MEX3C: variants seen among roughly 807,000 people sequenced by gnomAD.
The protein encoded by MEX3C is RNA-binding E3 ubiquitin-protein ligase MEX3C.
A neutral mutation model predicts 35.5 loss-of-function variants in MEX3C; 15 were observed. The observed-to-expected ratio is 0.42, with a 90% CI of 0.28 to 0.65. The LOEUF (loss-of-function observed/expected upper bound fraction) is 0.65, where lower values mean the gene tolerates loss of function less well. Ranked by LOEUF, MEX3C falls within the 30% of genes least tolerant of loss-of-function variation. The pLI, the probability that MEX3C is intolerant of heterozygous loss-of-function variation, is 0.20. For missense variants in MEX3C, 711 were observed against 842.8 expected, an observed-to-expected ratio of 0.84 and a Z score of 1.94; for synonymous variants, 390 against 352.8, an observed-to-expected ratio of 1.11 and a Z score of -1.18.
intron 1 of MEX3C, among the ~76,000 whole-genome samples, chr18:51,179,371 C>T (rs753153678): frequency 2.8e-4 from 42 of 152,128 alleles, no homozygotes; most frequent in Non-Finnish European, 4.7e-4. Context: ...GTTTGCCCTT[C>T]CAAAGCATTC....
chr18:51,181,373 A>G (rs559609900), intron 1 of MEX3C, among the ~76,000 whole-genome samples: 72 of 152,278 alleles, frequency 4.7e-4, no homozygotes, highest in Non-Finnish European at 8.5e-4. Context: ...AAAACCCAAT[A>G]AAAGGGTGAA....
intron 1 of MEX3C, among the ~76,000 whole-genome samples, chr18:51,187,708 C>CA (rs1411867577): frequency 1.0e-4 from 15 of 150,564 alleles, no homozygotes; most frequent in South Asian, 4.2e-4. Context: ...AACTCCGTCT[C>CA]AAAAAAAACA....
chr18:51,175,053 G>A lies in MEX3C; in HGVS notation c.*1298C>T, dbSNP rs1195440585. ...TACTGAAAAAATCAAAATAAAAACC[G>A]TTATTTGTAAACTTTTATACGAAAT... On this transcript the variant is annotated 3_prime_UTR_variant, in exon 2 of 2. Coordinates refer to ENST00000406189, the MANE Select transcript of MEX3C (RefSeq NM_016626.5). 1 of 152,414 alleles carries A rather than the reference G, an allele frequency of 6.6e-6. No homozygotes were observed. The highest frequency in any genetic ancestry group is 1.9e-4 in the East Asian group (1 of 5,200). 9.4% of individuals were successfully genotyped at this position (152,414 alleles called of 1,614,324 possible). A position where few individuals can be genotyped will look rare whatever the true frequency, so the allele number is the denominator to read the frequency against.
Position 51,188,877 on chromosome 18 carries a change from T to C in MEX3C, c.754+7690A>G, listed in dbSNP as rs576987826. Among the ~76,000 whole-genome samples the C allele has an allele frequency of 5.3e-5, 8 of 152,352 alleles. 1 individual carries two copies. The South Asian group carries it at 1.7e-3, about 32-fold the overall frequency. ...TTAGTGATACATGTTCATGTACACA[T>C]AGTGACCTATTTTCTTTTCTTATAC... On this transcript the variant is annotated intron_variant, in intron 1 of 1. Transcript: ENST00000406189.
At chr18:51,181,092 TTTGAG>T (rs1293423019) in intron 1 of MEX3C, among the ~76,000 whole-genome samples, 1 of 152,212 alleles carries the variant, frequency 6.6e-6, no homozygotes, top group Non-Finnish European at 1.5e-5. Flanking sequence ...TTTTGAGTAC[TTTGAG>T]TTTTTATTTG....
chr18:51,179,039 T>C (rs560988454), intron 1 of MEX3C, among the ~76,000 whole-genome samples: 82 of 151,406 alleles, frequency 5.4e-4, no homozygotes, highest in African/African-American at 1.9e-3. Flanking sequence ...AGTCTCGCTC[T>C]GTCACCCAGG....
intron 1 of MEX3C, among the ~76,000 whole-genome samples, chr18:51,178,869 A>AAAC: frequency 6.6e-6 from 1 of 151,820 alleles, no homozygotes; most frequent in African/African-American, 2.4e-5. Flanking sequence ...TCAAAAAAAA[A>AAAC]AAAACCAAAC....
Position 51,197,423 on chromosome 18 carries a change from A to C in MEX3C, c.-103T>G. 6.6e-6 allele frequency: 1 copy of C among 151,978 alleles called. No individual in the cohort carries two copies. Among genetic ancestry groups the C allele is most frequent in the Non-Finnish European group, 1.4e-5 (1 of 70,158 alleles). The allele number at this position is 151,978 out of a possible 1,614,324, so 9.4% of individuals were successfully genotyped here. On this transcript the variant is annotated 5_prime_UTR_variant, in exon 1 of 2. Coordinates refer to ENST00000406189, the MANE Select transcript of MEX3C (RefSeq NM_016626.5). ...CCAGGGCCCTGCTCAGCTCGCAAAC[A>C]CCTTTCCTCTGGGGAGGCGGCGGGG...
intron 1 of MEX3C, chr18:51,194,628 AAT>A (rs1912733057): frequency 6.6e-6 from 1 of 152,300 alleles, no homozygotes; most frequent in East Asian, 1.9e-4. Flanking sequence ...AAATCTATAA[AAT>A]ATGTTATCTT....
Position 51,176,192 on chromosome 18 carries a change from A to G in MEX3C, c.*159T>C. 1.4e-6 allele frequency: 1 copy of G among 699,624 alleles called. No individual in the cohort carries two copies. Among genetic ancestry groups the G allele is most frequent in the East Asian group, 2.8e-5 (1 of 35,686 alleles). The allele number at this position is 699,624 out of a possible 1,614,324, so 43.3% of individuals were successfully genotyped here. On this transcript the variant is annotated 3_prime_UTR_variant, in exon 2 of 2. Transcript: ENST00000406189. ...GAGACCACTTAGGTTTAGTGTTACC[A>G]TAGCAGCCTTTTATAAGTTTACTAA...
rs191986651 is a variant in MEX3C at position 51,195,982 on chromosome 18, G to C, written c.754+585C>G. 1.4e-3 allele frequency: 217 copies of C among 153,856 alleles called. 2 individuals carry two copies. The highest frequency in any genetic ancestry group is 0.013 in the Admixed American group (195 of 15,542). 9.5% of individuals were successfully genotyped at this position (153,856 alleles called of 1,614,324 possible). ...AACGTACCGAGAGAAATACAGTTAAGATAGGCGGCAGTGAGTTGGGCTGCT... is the reference window on the plus strand; with the variant it reads ...AACGTACCGAGAGAAATACAGTTAACATAGGCGGCAGTGAGTTGGGCTGCT... On this transcript the variant is annotated intron_variant, in intron 1 of 1. Transcript: ENST00000406189.
intron 1 of MEX3C, 104 bp downstream of exon 1, chr18:51,196,463 G>C (rs978234034): frequency 7.5e-6 from 11 of 1,475,174 alleles, no homozygotes; most frequent in Non-Finnish European, 9.8e-6. Flanking sequence ...GGTGGACTTG[G>C]GGGCCTCGCC....
chr18:51,197,273 G>A lies in MEX3C; in HGVS notation c.48C>T (p.Ala16=), dbSNP rs1186320877. ...SAALALAAAP[A]PLPQPPPPPP... Reference sequence around the variant, plus strand: ...GCGGCGGGGGCGGCTGCGGCAGGGGGGCCGGGGCCGCCGCCAGGGCCAGGG... The same window carrying A: ...GCGGCGGGGGCGGCTGCGGCAGGGGAGCCGGGGCCGCCGCCAGGGCCAGGG... Residue 16 remains alanine, a synonymous_variant, in exon 1 of 2, where the codon GCC becomes GCT. Transcript: ENST00000406189. The A allele has an allele frequency of 5.0e-5, 42 of 845,346 alleles. No homozygotes were observed. Among genetic ancestry groups the A allele is most frequent in the Non-Finnish European group, 5.8e-5 (41 of 704,832 alleles). The allele number at this position is 845,346 out of a possible 1,614,324, so 52.4% of individuals were successfully genotyped here.
At position 51,197,640 on chromosome 18, in the gene MEX3C, G is replaced by A. The variant is rs1430134883; in HGVS notation, c.-320C>T. ...TTCATGGCCTTAACCAGCCCCCGGC[G>A]CGCGCGGCGGCGGCGGCTACGCCCC... On this transcript the variant is annotated 5_prime_UTR_variant, in exon 1 of 2. Coordinates refer to ENST00000406189, the MANE Select transcript of MEX3C (RefSeq NM_016626.5). 6.6e-6 allele frequency among the ~76,000 whole-genome samples: 1 copy of A among 151,592 alleles called. No homozygotes were observed. Among genetic ancestry groups the A allele is most frequent in the Non-Finnish European group, 1.5e-5 (1 of 67,852 alleles).
At position 51,178,813 on chromosome 18, in the gene MEX3C, T is replaced by C. The variant is rs181977950; in HGVS notation, c.755-1237A>G. Among the ~76,000 whole-genome samples the C allele has an allele frequency of 2.6e-4, 39 of 151,086 alleles. 1 individual carries two copies. The highest frequency in any genetic ancestry group is 9.0e-4 in the African/African-American group (37 of 41,134). ...GGACAGAGGTTGCAGTGAGCCGAGA[T>C]TGTCCCACTGCACTCCAGCCTGGGC... is the stretch of plus-strand genomic sequence containing the variant. On this transcript the variant is annotated intron_variant, in intron 1 of 1. Coordinates refer to ENST00000406189, the MANE Select transcript of MEX3C (RefSeq NM_016626.5).
chr18:51,181,105 T>G (rs984668605), intron 1 of MEX3C, among the ~76,000 whole-genome samples: 3 of 152,162 alleles, frequency 2.0e-5, no homozygotes, highest in Admixed American at 6.5e-5. Context: ...GAGTTTTTAT[T>G]TGAAAACTCG....
Position 51,196,770 on chromosome 18 carries a change from G to C in MEX3C, c.551C>G (p.Ala184Gly), listed in dbSNP as rs1310839937. The C allele has an allele frequency of 2.8e-6, 4 of 1,445,144 alleles. No homozygotes were observed. The highest frequency in any genetic ancestry group is 4.7e-5 in the Admixed American group (2 of 42,122). 89.5% of individuals were successfully genotyped at this position (1,445,144 alleles called of 1,614,324 possible). A position where few individuals can be genotyped will look rare whatever the true frequency, so the allele number is the denominator to read the frequency against. ...ATCGTCCCCTCCGTACAGCACCCCCGCCGCCGCCGCCGCGGCCGCCGCCTC... is the reference window on the plus strand; with the variant it reads ...ATCGTCCCCTCCGTACAGCACCCCCCCCGCCGCCGCCGCGGCCGCCGCCTC... The part of the protein sequence containing the change: ...AREAAAAAAA[A>G]GVLYGGDDAQ... Residue 184 changes from alanine (A) to glycine (G), a missense_variant, in exon 1 of 2, where the codon GCG becomes GGG. Around this residue, in one of 4 missense-constraint regions of MEX3C, gnomAD observed 354 missense variants for 311.6 expected, o/e 1.14. Coordinates refer to ENST00000406189, the MANE Select transcript of MEX3C (RefSeq NM_016626.5).
Position 51,196,958 on chromosome 18 carries a change from G to A in MEX3C, c.363C>T (p.Asp121=), listed in dbSNP as rs1176477942. ...GCTCCTCCTCCTCCAGCAGGTCTCC[G>A]TCCAGCTCCGCTTCCTCCCCCTCCT... ...DEEEGEEAEL[D]GDLLEEEELE... Residue 121 remains aspartate (D), a synonymous_variant, in exon 1 of 2, where the codon GAC becomes GAT. Coordinates refer to ENST00000406189, the MANE Select transcript of MEX3C (RefSeq NM_016626.5). 3 of 1,542,882 alleles carry A rather than the reference G, an allele frequency of 1.9e-6. No individual in the cohort carries two copies. Among genetic ancestry groups the A allele is most frequent in the East Asian group, 5.0e-5 (2 of 40,380 alleles).
At chr18:51,179,994 G>A (rs945400155) in intron 1 of MEX3C, among the ~76,000 whole-genome samples, 10 of 150,374 alleles carry the variant, frequency 6.7e-5, no homozygotes, top group Non-Finnish European at 1.5e-4. Flanking sequence ...AAAACACTGG[G>A]CAAATTGCAT....
Sources: gnomAD v4.1 joint callset for allele counts (sites outside exome capture counted in the v4.1 genomes callset) on GRCh38, gnomAD v4.1.1 for gene constraint, gnomAD v4.1.1 regional missense constraint, MANE v1.5 for transcripts, NCBI Gene and HGNC (gene_info 2026-07-23, HGNC 2026-07-21) for gene names.